The following RBFOX2 variants were observed in gnomAD, a reference collection of about 807,000 sequenced individuals.
RBFOX2 encodes RNA binding protein fox-1 homolog 2.
A neutral mutation model predicts 49.1 loss-of-function variants in RBFOX2; 10 were observed. The observed-to-expected ratio is 0.20, with a 90% CI of 0.13 to 0.35. RBFOX2 has a LOEUF of 0.35. Among genes scored for constraint, RBFOX2 ranks in the 10% least tolerant of loss-of-function variants. The pLI is 1.00. For synonymous variants in RBFOX2, 183 were observed against 187.4 expected (o/e 0.98, Z 0.19); for missense variants, 323 against 486.9 (o/e 0.66, Z 3.17).
intron 1 of RBFOX2, among the ~76,000 whole-genome samples, chr22:36,015,762 C>A (rs758238416): frequency 6.6e-6 from 1 of 151,852 alleles, no homozygotes. Flanking sequence ...TTAATCGGGG[C>A]AGGGGGCTAA....
intron 1 of RBFOX2, among the ~76,000 whole-genome samples, chr22:36,022,701 A>G (rs764677593): frequency 3.3e-5 from 5 of 152,140 alleles, no homozygotes; most frequent in African/African-American, 1.2e-4. Flanking sequence ...TGGAGGTAGG[A>G]CCTCTAGAAT....
chr22:36,002,849 C>T (rs1331797026), intron 1 of RBFOX2, among the ~76,000 whole-genome samples: 2 of 152,254 alleles, frequency 1.3e-5, no homozygotes, highest in African/African-American at 2.4e-5. Flanking sequence ...TGGTCTCAAA[C>T]TTCTGACCTC....
intron 6 of RBFOX2, 146 bp from the exon 8 acceptor site, chr22:35,761,614 G>T: frequency 2.5e-6 from 2 of 792,444 alleles, no homozygotes; most frequent in Non-Finnish European, 4.3e-6. Flanking sequence ...GGGTTTATAT[G>T]AGAGAGTAAC....
chr22:35,756,566 G>A (rs928444308), intron 9 of RBFOX2, among the ~76,000 whole-genome samples: 12 of 152,098 alleles, frequency 7.9e-5, no homozygotes. Flanking sequence ...GGGGTGAAGA[G>A]GAGTTTAACA....
chr22:35,826,528 T>A (rs1185972727), intron 1 of RBFOX2, among the ~76,000 whole-genome samples: 1 of 152,092 alleles, frequency 6.6e-6, no homozygotes, highest in Non-Finnish European at 1.5e-5. Context: ...AAAAATCACA[T>A]TCTTCTTCCT....
chr22:35,938,802 C>T, intron 1 of RBFOX2, 45 bp downstream of exon 2: 2 of 1,563,102 alleles, frequency 1.3e-6, no homozygotes, highest in Non-Finnish European at 1.8e-6. Flanking sequence ...TGATGAAACA[C>T]ACCACACACA....
At chr22:35,744,077 G>T in exon 12 of RBFOX2, 2 of 771,764 alleles carry the variant, frequency 2.6e-6, no homozygotes, top group Non-Finnish European at 3.7e-6. Context: ...CTTTTTTTGT[G>T]TTTTTTTTTG....
At chr22:35,938,867 A>T in exon 1 of RBFOX2, 1 of 1,614,006 alleles carries the variant, frequency 6.2e-7, no homozygotes, top group South Asian at 1.1e-5. Context: ...CGCGCTGGGA[A>T]TCCATGATAA....
At chr22:35,780,906 T>G (rs778578451) in intron 3 of RBFOX2, among the ~76,000 whole-genome samples, 4 of 152,194 alleles carry the variant, frequency 2.6e-5, no homozygotes, top group African/African-American at 4.8e-5. Flanking sequence ...ATTACAAAGC[T>G]AAGTAGAGAG....
At chr22:35,781,078 AGTATCAGCTG>A (rs1341143920) in intron 3 of RBFOX2, among the ~76,000 whole-genome samples, 5 of 152,326 alleles carry the variant, frequency 3.3e-5, no homozygotes, top group Admixed American at 2.0e-4. Context: ...TGTGCACATT[AGTATCAGCTG>A]GGGATTTTGT....
At position 36,004,757 on chromosome 22, in the gene RBFOX2, T is replaced by C. The variant is rs925368930; in HGVS notation, c.186+23483A>G. On this transcript the variant is annotated intron_variant, in intron 1 of 13. Coordinates refer to the RBFOX2 transcript ENST00000438146. ...GTTGCAGTGAGCCAAGATCACACCA[T>C]TGTACTCCAGCCTGGGCGACAAGAG... 5.3e-5 allele frequency among the ~76,000 whole-genome samples: 8 copies of C among 152,054 alleles called. No individual in the cohort carries two copies. The East Asian group carries it at 7.7e-4, about 15-fold the overall frequency.
chr22:35,790,403 C>A (rs1208801698), intron 2 of RBFOX2, among the ~76,000 whole-genome samples: 2 of 152,070 alleles, frequency 1.3e-5, no homozygotes, highest in Admixed American at 6.5e-5. Context: ...AAAATTTTTT[C>A]CTTTTTCTGT....
chr22:35,936,716 G>A (rs1269369440), intron 1 of RBFOX2, among the ~76,000 whole-genome samples: 1 of 152,166 alleles, frequency 6.6e-6, no homozygotes, highest in South Asian at 2.1e-4. Context: ...TGAATGTGCA[G>A]GTTACAGAAG....
At chr22:35,925,772 A>G (rs919355800) in intron 1 of RBFOX2, among the ~76,000 whole-genome samples, 26 of 152,210 alleles carry the variant, frequency 1.7e-4, no homozygotes, top group Admixed American at 9.8e-4. Flanking sequence ...CACAAAACAG[A>G]AGGAAAAAGA....
intron 1 of RBFOX2, among the ~76,000 whole-genome samples, chr22:36,014,200 C>T (rs2058944848): frequency 6.6e-6 from 1 of 151,418 alleles, no homozygotes. Context: ...CGGCTCACTG[C>T]AAGCTCCGCC....
intron 9 of RBFOX2, among the ~76,000 whole-genome samples, chr22:35,757,901 G>A (rs1377601021): frequency 6.6e-6 from 1 of 152,134 alleles, no homozygotes; most frequent in Non-Finnish European, 1.5e-5. Context: ...AGGGGATATA[G>A]GCAAAGATTT....
chr22:35,937,468 C>T (rs1206946593), intron 1 of RBFOX2, among the ~76,000 whole-genome samples: 1 of 152,212 alleles, frequency 6.6e-6, no homozygotes, highest in Non-Finnish European at 1.5e-5. Flanking sequence ...ACTCTGATAT[C>T]AACTCAGCAC....
At chr22:35,842,326 A>G (rs1011989428), upstream of RBFOX2, among the ~76,000 whole-genome samples, 2 of 152,334 alleles carry the variant, frequency 1.3e-5, no homozygotes, top group African/African-American at 4.8e-5. Flanking sequence ...ACGCTGAGTA[A>G]AGTAATATAG....
At chr22:35,878,519 C>T (rs2045453591) in intron 1 of RBFOX2, among the ~76,000 whole-genome samples, 1 of 152,176 alleles carries the variant, frequency 6.6e-6, no homozygotes, top group Non-Finnish European at 1.5e-5. Context: ...ATCCTCTTGT[C>T]TCAACCTCCA....
Sources: allele counts gnomAD v4.1 joint callset (sites outside exome capture counted in the v4.1 genomes callset), GRCh38; gene constraint gnomAD v4.1.1; transcripts MANE v1.5; gene names NCBI Gene and HGNC (gene_info 2026-07-23, HGNC 2026-07-21).